TMEM39B: variants seen among roughly 807,000 people sequenced by gnomAD.
TMEM39B encodes transmembrane protein 39B.
Under a neutral mutation model 52.2 loss-of-function variants are expected in TMEM39B, and 23 were observed. That is an observed-to-expected ratio of 0.44 (90% CI 0.32 to 0.62). The LOEUF is 0.62. Ranked by LOEUF, TMEM39B falls within the 20% of genes least tolerant of loss-of-function variation. The pLI is 0.06. For synonymous variants in TMEM39B, 285 were observed against 264.0 expected (o/e 1.08, Z -0.77); for missense variants, 547 against 642.0 (o/e 0.85, Z 1.60).
chr1:32,072,782 G>A, upstream of TMEM39B: 2 of 532,864 alleles, frequency 3.8e-6, no homozygotes, highest in Non-Finnish European at 6.6e-6. Context: ...CCTCCCTCTT[G>A]AGTCTCTTCA....
chr1:32,099,214 C>T (rs948376291), intron 7 of TMEM39B, among the ~76,000 whole-genome samples: 6 of 144,154 alleles, frequency 4.2e-5, no homozygotes, highest in Non-Finnish European at 1.5e-5. Flanking sequence ...GCCTGGGCGG[C>T]AGAGTGAGAC....
chr1:32,078,687 C>T (rs1639966287), intron 5 of TMEM39B, among the ~76,000 whole-genome samples: 1 of 152,184 alleles, frequency 6.6e-6, no homozygotes, highest in African/African-American at 2.4e-5. Flanking sequence ...GTCACCCGGG[C>T]TGGAGTGCAG....
chr1:32,073,030 G>C lies in TMEM39B; in HGVS notation c.-18G>C. 1 of 1,527,262 alleles carries C rather than the reference G, an allele frequency of 6.5e-7. No homozygotes were observed. The highest frequency in any genetic ancestry group is 8.8e-7 in the Non-Finnish European group (1 of 1,135,854). 94.6% of individuals were successfully genotyped at this position (1,527,262 alleles called of 1,614,324 possible). A position where few individuals can be genotyped will look rare whatever the true frequency, so the allele number is the denominator to read the frequency against. ...GCAGGAGCTGCGGCGGCGAAGCGGAGAGCACCGGGGGGAGGAGATGGGTGA... is the reference window on the plus strand; with the variant it reads ...GCAGGAGCTGCGGCGGCGAAGCGGACAGCACCGGGGGGAGGAGATGGGTGA... On this transcript the variant is annotated 5_prime_UTR_variant, in exon 1 of 9. Coordinates refer to ENST00000336294, the MANE Select transcript of TMEM39B (RefSeq NM_018056.4).
intron 1 of TMEM39B, chr1:32,073,544 G>A: frequency 1.0e-6 from 1 of 995,746 alleles, no homozygotes; most frequent in Non-Finnish European, 1.2e-6. Context: ...TTGTGTGTAG[G>A]CGGAGCTTCT....
intron 5 of TMEM39B, among the ~76,000 whole-genome samples, chr1:32,079,720 C>T (rs1033990914): frequency 1.3e-5 from 2 of 152,012 alleles, no homozygotes; most frequent in Admixed American, 6.6e-5. Context: ...TTAATGGCCT[C>T]GCAGTATTCT....
At chr1:32,073,120 A>G (rs1017253398) in intron 1 of TMEM39B, 69 bp downstream of exon 1, 57 of 1,373,892 alleles carry the variant, frequency 4.1e-5, no homozygotes, top group Middle Eastern at 1.9e-4. Context: ...CAGGCTGCTA[A>G]TTGCTGCTCC....
chr1:32,079,048 A>G (rs1243772811), intron 5 of TMEM39B, among the ~76,000 whole-genome samples: 2 of 151,916 alleles, frequency 1.3e-5, no homozygotes, highest in Non-Finnish European at 2.9e-5. Flanking sequence ...GCCAATACAT[A>G]CGGGTCTGTC....
At chr1:32,091,001 T>G (rs1160644690) in intron 5 of TMEM39B, among the ~76,000 whole-genome samples, 1 of 152,144 alleles carries the variant, frequency 6.6e-6, no homozygotes, top group Non-Finnish European at 1.5e-5. Context: ...TTGCCCAGGC[T>G]GGTCTTGAAC....
rs537009388 is a variant in TMEM39B at position 32,076,599 on chromosome 1, A to G, written c.352-164A>G. ...ACTTCCCTTCTCGGGGTCCTGTCCTACTCCTGTAGGTAATTTCCTGGCCTG... is the reference window on the plus strand; with the variant it reads ...ACTTCCCTTCTCGGGGTCCTGTCCTGCTCCTGTAGGTAATTTCCTGGCCTG... On this transcript the variant is annotated intron_variant, in intron 3 of 8. Transcript: ENST00000336294. 4 of 736,976 alleles carry G rather than the reference A, an allele frequency of 5.4e-6. No homozygotes were observed. In the South Asian group the frequency reaches 5.9e-5, roughly 11 times the overall value. 45.7% of individuals were successfully genotyped at this position (736,976 alleles called of 1,614,324 possible). A position where few individuals can be genotyped will look rare whatever the true frequency, so the allele number is the denominator to read the frequency against.
rs751496537 is a variant in TMEM39B at position 32,073,037 on chromosome 1, G to T, written c.-11G>T. On this transcript the variant is annotated 5_prime_UTR_variant, in exon 1 of 9. Coordinates refer to ENST00000336294, the MANE Select transcript of TMEM39B (RefSeq NM_018056.4). ...CTGCGGCGGCGAAGCGGAGAGCACC[G>T]GGGGGAGGAGATGGGTGAGCAGAGC... The T allele has an allele frequency of 9.2e-6, 14 of 1,522,502 alleles. No individual in the cohort carries two copies. The highest frequency in any genetic ancestry group is 1.2e-5 in the Non-Finnish European group (14 of 1,133,130). The allele number at this position is 1,522,502 out of a possible 1,614,324, so 94.3% of individuals were successfully genotyped here.
chr1:32,072,930 C>A (rs1019051880), upstream of TMEM39B: 4 of 1,342,860 alleles, frequency 3.0e-6, no homozygotes, highest in African/African-American at 3.1e-5. Context: ...GCGGCGGGAG[C>A]GCGCGGCTGA....
intron 5 of TMEM39B, among the ~76,000 whole-genome samples, chr1:32,078,275 G>T (rs2124434195): frequency 6.6e-6 from 1 of 152,214 alleles, no homozygotes; most frequent in African/African-American, 2.4e-5. Context: ...CTTGAGTCCA[G>T]GGGTTTGAGA....
At chr1:32,072,752 CAGG>C (rs1196461575), upstream of TMEM39B, 12 of 494,956 alleles carry the variant, frequency 2.4e-5, no homozygotes, top group Non-Finnish European at 4.3e-5. Flanking sequence ...ACGGGAAGAG[CAGG>C]AGGTGGGTTC....
chr1:32,097,560 A>C (rs2124496956), intron 7 of TMEM39B, among the ~76,000 whole-genome samples: 1 of 151,928 alleles, frequency 6.6e-6, no homozygotes, highest in East Asian at 1.9e-4. Flanking sequence ...ACGAACTCCC[A>C]ACCTCGTGAT....
At chr1:32,090,621 TTTG>T (rs533134460) in intron 5 of TMEM39B, among the ~76,000 whole-genome samples, 25 of 151,786 alleles carry the variant, frequency 1.6e-4, no homozygotes, top group Non-Finnish European at 3.7e-4. Flanking sequence ...CTAATTTTTT[TTTG>T]TTGTTGTTGT....
rs536473341 is a variant in TMEM39B at position 32,077,463 on chromosome 1, C to T, written c.590+145C>T. 4 of 1,071,112 alleles carry T rather than the reference C, an allele frequency of 3.7e-6. No homozygotes were observed. The East Asian group carries it at 7.5e-5, about 20-fold the overall frequency. 66.4% of individuals were successfully genotyped at this position (1,071,112 alleles called of 1,614,324 possible). On this transcript the variant is annotated intron_variant, in intron 5 of 8. Transcript: ENST00000336294. Reference sequence around the variant, plus strand: ...CTCACATTGTCAGATGACACTCACTCACTGAGGTCAGGATAATTAGCCTTT... The same window carrying T: ...CTCACATTGTCAGATGACACTCACTTACTGAGGTCAGGATAATTAGCCTTT...
intron 1 of TMEM39B, chr1:32,073,992 T>G (rs1639750727): frequency 1.4e-6 from 1 of 708,522 alleles, no homozygotes; most frequent in Non-Finnish European, 1.7e-6. Flanking sequence ...CAAGCGATCC[T>G]CCCGCCTCGG....
chr1:32,087,469 C>T (rs1450634464), intron 5 of TMEM39B: 2 of 149,980 alleles, frequency 1.3e-5, no homozygotes, highest in African/African-American at 4.9e-5. Flanking sequence ...ACTAAAAACA[C>T]AAAATTAGCC....
intron 8 of TMEM39B, among the ~76,000 whole-genome samples, chr1:32,100,867 C>G (rs1184369553): frequency 6.6e-6 from 1 of 152,080 alleles, no homozygotes; most frequent in Admixed American, 6.6e-5. Context: ...CTCGTCTCCA[C>G]TAAAAATACA....
Sources: allele counts gnomAD v4.1 joint callset (sites outside exome capture counted in the v4.1 genomes callset), GRCh38; gene constraint gnomAD v4.1.1; transcripts MANE v1.5; gene names NCBI Gene and HGNC (gene_info 2026-07-23, HGNC 2026-07-21).